PARG: variants seen among roughly 807,000 people sequenced by gnomAD.
The protein encoded by PARG is mitochondrial poly(ADP-ribose) glycohydrolase.
Under a neutral mutation model 113.0 loss-of-function variants are expected in PARG, and 35 were observed. That is an observed-to-expected ratio of 0.31 (90% CI 0.24 to 0.41). The LOEUF (loss-of-function observed/expected upper bound fraction) is 0.41. Ranked by LOEUF, PARG falls within the 10% of genes least tolerant of loss-of-function variation. The probability of loss-of-function intolerance (pLI) is 1.00; values close to 1 mark genes in which losing one functional copy is unlikely to be tolerated. For synonymous variants in PARG, 330 were observed against 409.9 expected (o/e 0.81, Z 2.36); for missense variants, 797 against 1,169.4 (o/e 0.68, Z 4.64).
At chr10:49,821,699 A>G (rs1844093135) in intron 16 of PARG, among the ~76,000 whole-genome samples, 1 of 152,174 alleles carries the variant, frequency 6.6e-6, no homozygotes, top group Admixed American at 6.5e-5. Context: ...ATCTTTTTAC[A>G]GTTTTGATTT....
intron 15 of PARG, among the ~76,000 whole-genome samples, chr10:49,834,509 C>T (rs547491218): frequency 3.3e-5 from 5 of 152,136 alleles, no homozygotes; most frequent in African/African-American, 9.6e-5. Context: ...AAATCTAGTA[C>T]AAAATATTAT....
chr10:49,901,714 TCTTTATTA>T (rs781918485), intron 7 of PARG, among the ~76,000 whole-genome samples: 4 of 151,860 alleles, frequency 2.6e-5, no homozygotes, highest in Admixed American at 6.6e-5. Flanking sequence ...AATGAAAAGA[TCTTTATTA>T]AAAATGGACA....
At chr10:49,863,021 A>G (rs1846328688) in intron 11 of PARG, among the ~76,000 whole-genome samples, 1 of 151,396 alleles carries the variant, frequency 6.6e-6, no homozygotes, top group Admixed American at 6.6e-5. Flanking sequence ...ACTTTATAGT[A>G]TAGCTCTTAA....
intron 11 of PARG, among the ~76,000 whole-genome samples, chr10:49,864,114 G>A (rs1366096085): frequency 1.3e-5 from 2 of 151,388 alleles, no homozygotes; most frequent in African/African-American, 2.4e-5. Flanking sequence ...ACGAAACAGC[G>A]GATCTGCCAT....
intron 6 of PARG, among the ~76,000 whole-genome samples, chr10:49,920,536 A>ATATACACGTATATATACG (rs1837786878): frequency 7.0e-6 from 1 of 142,812 alleles, no homozygotes; most frequent in African/African-American, 2.6e-5. Context: ...ACATGTATAT[A>ATATACACGTATATATACG]TATACACATA....
At chr10:49,927,991 G>A (rs1554851115) in intron 4 of PARG, among the ~76,000 whole-genome samples, 1 of 151,392 alleles carries the variant, frequency 6.6e-6, no homozygotes, top group South Asian at 2.1e-4. Flanking sequence ...AAAGAAGAAG[G>A]CCAGGAACAG....
chr10:49,916,065 T>C (rs1461802724), intron 6 of PARG, 74 bp from the exon 7 acceptor site: 2 of 774,288 alleles, frequency 2.6e-6, no homozygotes, highest in African/African-American at 1.7e-5. Context: ...CTGTCTCTTA[T>C]GAATTACCTC....
chr10:49,922,410 G>A lies in PARG; in HGVS notation c.1588C>T (p.Arg530Ter), dbSNP rs1321490695. Residue 530 changes from arginine (R) to a stop codon, truncating the protein, a stop_gained, in exon 6 of 18, where the codon CGA becomes TGA. Coordinates refer to ENST00000616448, the MANE Select transcript of PARG (RefSeq NM_003631.5). LOFTEE classifies it high-confidence loss of function. ...LYPVEDENGERTAGSRWELIQ... is the reference protein window; with the variant it reads ...LYPVEDENGE ...AGCTCCCACCGGCTCCCCGCAGTTC[G>A]CTCACCATTCTTTTGGAAAAAAGAA... is the stretch of plus-strand genomic sequence containing the variant. The A allele has an allele frequency of 6.2e-7, 1 of 1,608,416 alleles. No individual in the cohort carries two copies.
chr10:49,922,425 G>C lies in PARG; in HGVS notation c.1579-6C>G. On this transcript the variant is annotated splice_polypyrimidine_tract_variant and splice_region_variant and intron_variant, in intron 5 of 17. Coordinates refer to ENST00000616448, the MANE Select transcript of PARG (RefSeq NM_003631.5). ...CCCGCAGTTCGCTCACCATTCTTTT[G>C]GAAAAAAGAAAAACATATGAGGAAG... 16 of 1,608,356 alleles carry C rather than the reference G, an allele frequency of 9.9e-6. No homozygotes were observed. Among genetic ancestry groups the C allele is most frequent in the Non-Finnish European group, 1.4e-5 (16 of 1,178,160 alleles).
chr10:49,847,130 T>A (rs1272347700), intron 13 of PARG, among the ~76,000 whole-genome samples: 2 of 151,554 alleles, frequency 1.3e-5, no homozygotes, highest in South Asian at 2.1e-4. Flanking sequence ...TAAATAAGTA[T>A]ACACAAATAA....
chr10:49,933,405 T>C lies in PARG; in HGVS notation c.1043A>G (p.Asp348Gly). Reference protein sequence around the residue: ...ANKPSRFQARDADIEFRKRYS... With the variant: ...ANKPSRFQARGADIEFRKRYS... ...CCGTTTCCTAAATTCAATGTCAGCG[T>C]CTCTTGCTTGGAACCTTGAAGGTTT... Residue 348 changes from aspartate to glycine, a missense_variant, in exon 3 of 18, where the codon GAC becomes GGC. By Grantham distance (94) the Asp-to-Gly change is moderately conservative. Coordinates refer to ENST00000616448, the MANE Select transcript of PARG (RefSeq NM_003631.5). 2 of 1,613,530 alleles carry C rather than the reference T, an allele frequency of 1.2e-6. No individual in the cohort carries two copies. Among genetic ancestry groups the C allele is most frequent in the South Asian group, 2.2e-5 (2 of 91,054 alleles).
intron 7 of PARG, among the ~76,000 whole-genome samples, chr10:49,905,701 A>G (rs1428517573): frequency 6.6e-6 from 1 of 152,154 alleles, no homozygotes; most frequent in Non-Finnish European, 1.5e-5. Context: ...TATTTGCGTA[A>G]TACAACCTGG....
In PARG at chr10:49,857,375, T is replaced by A; in HGVS notation, c.2284A>T (p.Asn762Tyr). The change falls in exon 13 of 18, where the codon AAT becomes TAT. Residue 762 changes from asparagine to tyrosine, a missense_variant. Physicochemically the swap from Asn to Tyr is moderately radical, Grantham distance 143. Coordinates refer to ENST00000616448, the MANE Select transcript of PARG (RefSeq NM_003631.5). The part of the protein sequence containing the change: ...LVQEEIRFLI[N>Y]PELIISRLFT... ...AGCCGTGAAATAATCAACTCAGGAT[T>A]GATTAAAAAGCGGATTTCTTCTTGC... is the stretch of plus-strand genomic sequence containing the variant. 6.8e-7 allele frequency: 1 copy of A among 1,477,456 alleles called. No homozygotes were observed. Among genetic ancestry groups the A allele is most frequent in the Non-Finnish European group, 9.4e-7 (1 of 1,064,302 alleles). The allele number at this position is 1,477,456 out of a possible 1,614,324, so 91.5% of individuals were successfully genotyped here.
At chr10:49,919,722 T>C (rs1193431544) in intron 6 of PARG, among the ~76,000 whole-genome samples, 1 of 152,182 alleles carries the variant, frequency 6.6e-6, no homozygotes, top group African/African-American at 2.4e-5. Flanking sequence ...TGTAACATTA[T>C]ACTAAAACCA....
At chr10:49,825,747 G>A (rs1844322070) in intron 16 of PARG, among the ~76,000 whole-genome samples, 1 of 152,154 alleles carries the variant, frequency 6.6e-6, no homozygotes, top group Non-Finnish European at 1.5e-5. Flanking sequence ...ATTCTTAAAA[G>A]AAGGGCAATA....
intron 13 of PARG, among the ~76,000 whole-genome samples, chr10:49,844,792 A>G (rs1845427187): frequency 6.6e-6 from 1 of 152,156 alleles, no homozygotes; most frequent in Non-Finnish European, 1.5e-5. Flanking sequence ...AAACAATGAA[A>G]AAACACCTTC....
intron 13 of PARG, among the ~76,000 whole-genome samples, chr10:49,856,219 G>T (rs1166742288): frequency 6.7e-6 from 1 of 150,136 alleles, no homozygotes; most frequent in Non-Finnish European, 1.5e-5. Flanking sequence ...TTGCTCTGTC[G>T]CCCAGGCTGC....
chr10:49,885,746 G>T (rs2664506), intron 7 of PARG, among the ~76,000 whole-genome samples: 18 of 152,296 alleles, frequency 1.2e-4, no homozygotes, highest in Admixed American at 5.9e-4. Context: ...CCACATTAAT[G>T]ACTTCAGAGC....
At chr10:49,939,754 T>A (rs1160583251) in intron 1 of PARG, among the ~76,000 whole-genome samples, 15 of 152,242 alleles carry the variant, frequency 9.9e-5, no homozygotes, top group Non-Finnish European at 2.1e-4. Flanking sequence ...TCTGCATGTA[T>A]AATTCTTTCT....
Sources: gnomAD v4.1 joint callset for allele counts (sites outside exome capture counted in the v4.1 genomes callset) on GRCh38, gnomAD v4.1.1 for gene constraint, MANE v1.5 for transcripts, NCBI Gene and HGNC (gene_info 2026-07-23, HGNC 2026-07-21) for gene names.